Variants in HDGFL1 observed in about 807,000 individuals in gnomAD.
HDGFL1 encodes hepatoma-derived growth factor-like protein 1.
For synonymous variants in HDGFL1, 190 were observed against 165.1 expected (o/e 1.15, Z -1.16); for missense variants, 422 against 365.3 (o/e 1.16, Z -1.27).
At position 22,569,985 on chromosome 6, in the gene HDGFL1, C is replaced by T; in HGVS notation, c.410C>T (p.Pro137Leu). The T allele has an allele frequency of 2.6e-6, 4 of 1,549,102 alleles. No individual in the cohort carries two copies. Among genetic ancestry groups the T allele is most frequent in the Non-Finnish European group, 3.5e-6 (4 of 1,147,016 alleles). Residue 137 changes from proline (P) to leucine (L), a missense_variant, in exon 1 of 1, where the codon CCC becomes CTC. Physicochemically the swap from Pro to Leu is moderately conservative, Grantham distance 98. Coordinates refer to ENST00000510882, the MANE Select transcript of HDGFL1 (RefSeq NM_138574.4). ...TTGGGGAAGCCGGACGACGACAAGC[C>T]CACTGAGGAGGAGAAGGGGCCGCTG... ...DELGKPDDDK[P>L]TEEEKGPLKR... is the part of the protein sequence containing the mutation.
In HDGFL1 at chr6:22,570,051, G is replaced by T; in HGVS notation, c.476G>T (p.Arg159Leu). 1 of 1,545,294 alleles carries T rather than the reference G, an allele frequency of 6.5e-7. No homozygotes were observed. The highest frequency in any genetic ancestry group is 2.3e-4 in the Middle Eastern group (1 of 4,358). The change falls in exon 1 of 1, where the codon CGA (arginine) becomes CTA (leucine). Residue 159 changes from arginine to leucine, a missense_variant. By Grantham distance (102) the Arg-to-Leu change is moderately radical (BLOSUM62 -2). Transcript: ENST00000510882. Reference sequence around the variant, plus strand: ...GACCCGCCGGAGGACGCCCCCAAACGACCCAAGGAGGCAGCCCCCGACCAA... The same window carrying T: ...GACCCGCCGGAGGACGCCCCCAAACTACCCAAGGAGGCAGCCCCCGACCAA... ...AGDPPEDAPK[R>L]PKEAAPDQEE...
Position 22,570,194 on chromosome 6 carries a change from C to G in HDGFL1, c.619C>G (p.Pro207Ala), listed in dbSNP as rs1182039070. 12 of 1,564,646 alleles carry G rather than the reference C, an allele frequency of 7.7e-6. No individual in the cohort carries two copies. Among genetic ancestry groups the G allele is most frequent in the Non-Finnish European group, 1.0e-5 (12 of 1,160,242 alleles). ...CGTGGCGGTGGAGAACGGCAGCGCC[C>G]CTAGCGAGCCGGGCCTGGTCTGCGA... Reference protein sequence around the residue: ...FLVAVENGSAPSEPGLVCEPP... With the variant: ...FLVAVENGSAASEPGLVCEPP... The change falls in exon 1 of 1, where the codon CCT (proline) becomes GCT (alanine). Residue 207 changes from proline (P) to alanine (A), a missense_variant. Pro to Ala is a conservative substitution (Grantham distance 27). Transcript: ENST00000510882.
rs978488842 is a variant in HDGFL1 at position 22,570,307 on chromosome 6, C to T, written c.732C>T (p.Gly244=). 5 of 1,485,710 alleles carry T rather than the reference C, an allele frequency of 3.4e-6. No homozygotes were observed. Among genetic ancestry groups the T allele is most frequent in the Admixed American group, 2.5e-5 (1 of 40,352 alleles). 92.0% of individuals were successfully genotyped at this position (1,485,710 alleles called of 1,614,324 possible). A position where few individuals can be genotyped will look rare whatever the true frequency, so the allele number is the denominator to read the frequency against. ...AGGAGTGGCATGCCGAGGCACCGGGCGGCGGAGATCGCGACAGCCTGTAGT... is the reference window on the plus strand; with the variant it reads ...AGGAGTGGCATGCCGAGGCACCGGGTGGCGGAGATCGCGACAGCCTGTAGT... ...ASQEWHAEAP[G]GGDRDSL The change falls in exon 1 of 1, where the codon GGC becomes GGT. Residue 244 remains glycine, a synonymous_variant. Transcript: ENST00000510882.
chr6:22,570,129 C>T lies in HDGFL1; in HGVS notation c.554C>T (p.Ala185Val). ...GCGGAAGCGGAGAGGGCGGCGGCGG[C>T]GGCGGCGGCGACGGCCGTCGACGAG... Reference protein sequence around the residue: ...RAAEAERAAAAAAATAVDEES... With the variant: ...RAAEAERAAAVAAATAVDEES... Residue 185 changes from alanine (A) to valine (V), a missense_variant, in exon 1 of 1, where the codon GCG (alanine) becomes GTG (valine). Physicochemically the swap from Ala to Val is moderately conservative, Grantham distance 64. Coordinates refer to ENST00000510882, the MANE Select transcript of HDGFL1 (RefSeq NM_138574.4). 3 of 1,526,416 alleles carry T rather than the reference C, an allele frequency of 2.0e-6. No individual in the cohort carries two copies. The South Asian group carries it at 3.7e-5, about 19-fold the overall frequency. The allele number at this position is 1,526,416 out of a possible 1,614,324, so 94.6% of individuals were successfully genotyped here.
rs112921331 is a variant in HDGFL1, at chr6:22,570,091, G to T, written c.516G>T (p.Glu172Asp). ...EAAPDQEEEA[E>D]AERAAEAERA... ...CCCCCGACCAAGAGGAGGAGGCGGAGGCGGAGAGGGCGGCGGAAGCGGAGA... is the reference window on the plus strand; with the variant it reads ...CCCCCGACCAAGAGGAGGAGGCGGATGCGGAGAGGGCGGCGGAAGCGGAGA... The change falls in exon 1 of 1, where the codon GAG (glutamate) becomes GAT (aspartate). Residue 172 changes from glutamate (E) to aspartate (D), a missense_variant. Transcript: ENST00000510882. The T allele has an allele frequency of 6.5e-7, 1 of 1,536,690 alleles. No homozygotes were observed. The highest frequency in any genetic ancestry group is 1.2e-5 in the South Asian group (1 of 82,690).
In HDGFL1 at chr6:22,570,410, C is replaced by G; in HGVS notation, c.*79C>G. 1 of 1,341,020 alleles carries G rather than the reference C, an allele frequency of 7.5e-7. No homozygotes were observed. The highest frequency in any genetic ancestry group is 1.7e-5 in the South Asian group (1 of 59,484). 83.1% of individuals were successfully genotyped at this position (1,341,020 alleles called of 1,614,324 possible). A position where few individuals can be genotyped will look rare whatever the true frequency, so the allele number is the denominator to read the frequency against. On this transcript the variant is annotated 3_prime_UTR_variant, in exon 1 of 1. Coordinates refer to ENST00000510882, the MANE Select transcript of HDGFL1 (RefSeq NM_138574.4). ...TCTTGGGGAATCTGACCACGGCGTG[C>G]AAACTGGGACTGCCTTTCCCTCTCC...
In HDGFL1 at chr6:22,569,998, G is replaced by C; in HGVS notation, c.423G>C (p.Glu141Asp). The C allele has an allele frequency of 1.3e-6, 2 of 1,548,750 alleles. No homozygotes were observed. Among genetic ancestry groups the C allele is most frequent in the Non-Finnish European group, 8.7e-7 (1 of 1,146,942 alleles). Residue 141 changes from glutamate (E) to aspartate (D), a missense_variant, in exon 1 of 1, where the codon GAG becomes GAC. Glu to Asp is a conservative substitution (Grantham distance 45). Transcript: ENST00000510882. ...KPDDDKPTEE[E>D]KGPLKRSAGD... Reference sequence around the variant, plus strand: ...ACGACGACAAGCCCACTGAGGAGGAGAAGGGGCCGCTGAAGAGGAGCGCGG... The same window carrying C: ...ACGACGACAAGCCCACTGAGGAGGACAAGGGGCCGCTGAAGAGGAGCGCGG...
In HDGFL1 at chr6:22,571,617, A is replaced by G. The variant is rs185443030; in HGVS notation, c.*1286A>G. On this transcript the variant is annotated 3_prime_UTR_variant, in exon 1 of 1. Transcript: ENST00000510882. ...TTTCGGAAGTTTGATCTGAGAACCAACCATAGAATGTTTCAGTTCTAGGAA... is the reference window on the plus strand; with the variant it reads ...TTTCGGAAGTTTGATCTGAGAACCAGCCATAGAATGTTTCAGTTCTAGGAA... 8 of 167,200 alleles carry G rather than the reference A, an allele frequency of 4.8e-5. No individual in the cohort carries two copies. The highest frequency in any genetic ancestry group is 1.9e-4 in the African/African-American group (8 of 41,572). 10.4% of individuals were successfully genotyped at this position (167,200 alleles called of 1,614,324 possible).
At position 22,570,103 on chromosome 6, in the gene HDGFL1, G is replaced by A; in HGVS notation, c.528G>A (p.Ala176=). The stretch of plus-strand genomic sequence containing the variant: ...AGGAGGAGGCGGAGGCGGAGAGGGC[G>A]GCGGAAGCGGAGAGGGCGGCGGCGG... ...DQEEEAEAER[A]AEAERAAAAA... Residue 176 remains alanine, a synonymous_variant, in exon 1 of 1, where the codon GCG becomes GCA. Coordinates refer to ENST00000510882, the MANE Select transcript of HDGFL1 (RefSeq NM_138574.4). 2 of 1,536,322 alleles carry A rather than the reference G, an allele frequency of 1.3e-6. No homozygotes were observed. The highest frequency in any genetic ancestry group is 8.8e-7 in the Non-Finnish European group (1 of 1,141,326).
In HDGFL1 at chr6:22,570,191, G is replaced by T. The variant is rs1041727437; in HGVS notation, c.616G>T (p.Ala206Ser). Residue 206 changes from alanine to serine, a missense_variant, in exon 1 of 1, where the codon GCC becomes TCC. Physicochemically the swap from Ala to Ser is moderately conservative, Grantham distance 99. Coordinates refer to ENST00000510882, the MANE Select transcript of HDGFL1 (RefSeq NM_138574.4). ...PFLVAVENGS[A>S]PSEPGLVCEP... ...CCTCGTGGCGGTGGAGAACGGCAGC[G>T]CCCCTAGCGAGCCGGGCCTGGTCTG... 1.9e-6 allele frequency: 3 copies of T among 1,562,934 alleles called. No homozygotes were observed. Among genetic ancestry groups the T allele is most frequent in the Middle Eastern group, 1.8e-4 (1 of 5,552 alleles).
In HDGFL1 at chr6:22,570,370, C is replaced by G; in HGVS notation, c.*39C>G. 1 of 1,420,992 alleles carries G rather than the reference C, an allele frequency of 7.0e-7. No homozygotes were observed. The highest frequency in any genetic ancestry group is 9.2e-7 in the Non-Finnish European group (1 of 1,086,698). 88.0% of individuals were successfully genotyped at this position (1,420,992 alleles called of 1,614,324 possible). On this transcript the variant is annotated 3_prime_UTR_variant, in exon 1 of 1. Transcript: ENST00000510882. The stretch of plus-strand genomic sequence containing the variant: ...CAGAAGAGCCCCTGCCCCGTTCCTG[C>G]TGCGGCCTGGCCGTTCTTGGGGAAT...
chr6:22,569,836 G>C lies in HDGFL1; in HGVS notation c.261G>C (p.Thr87=). The C allele has an allele frequency of 6.2e-7, 1 of 1,609,464 alleles. No homozygotes were observed. The highest frequency in any genetic ancestry group is 8.5e-7 in the Non-Finnish European group (1 of 1,177,980). Residue 87 remains threonine (T), a synonymous_variant, in exon 1 of 1, where the codon ACG becomes ACC. Transcript: ENST00000510882. ...TGTGGGAAATCGAGAACAACCCCAC[G>C]GTCCAGGCCTCCGACTGCCCATTAG... ...AGLWEIENNP[T]VQASDCPLAS... is the part of the protein sequence containing the mutation.
In HDGFL1 at chr6:22,569,604, A is replaced by G; in HGVS notation, c.29A>G (p.Lys10Arg). Residue 10 changes from lysine to arginine, a missense_variant, in exon 1 of 1, where the codon AAG becomes AGG. Coordinates refer to ENST00000510882, the MANE Select transcript of HDGFL1 (RefSeq NM_138574.4). Reference sequence around the variant, plus strand: ...TCGGCCTACGGCATGCCCATGTACAAGAGCGGGGACCTGGTGTTTGCCAAG... The same window carrying G: ...TCGGCCTACGGCATGCCCATGTACAGGAGCGGGGACCTGGTGTTTGCCAAG... The part of the protein sequence containing the change: MSAYGMPMY[K>R]SGDLVFAKLK... 10 of 1,614,130 alleles carry G rather than the reference A, an allele frequency of 6.2e-6. No individual in the cohort carries two copies. Among genetic ancestry groups the G allele is most frequent in the Non-Finnish European group, 7.6e-6 (9 of 1,180,014 alleles).
chr6:22,569,571 C>T lies in HDGFL1; in HGVS notation c.-5C>T, dbSNP rs1336879164. On this transcript the variant is annotated 5_prime_UTR_variant, in exon 1 of 1. Coordinates refer to ENST00000510882, the MANE Select transcript of HDGFL1 (RefSeq NM_138574.4). ...GTGGCCCAGGCGGGGTCCGCAGAAC[C>T]AGCTATGTCGGCCTACGGCATGCCC... 1.2e-6 allele frequency: 2 copies of T among 1,610,296 alleles called. No homozygotes were observed. Among genetic ancestry groups the T allele is most frequent in the Non-Finnish European group, 1.7e-6 (2 of 1,177,574 alleles).
At position 22,571,520 on chromosome 6, in the gene HDGFL1, C is replaced by T. The variant is rs1484967896; in HGVS notation, c.*1189C>T. 6.0e-6 allele frequency: 1 copy of T among 167,130 alleles called. No homozygotes were observed. Among genetic ancestry groups the T allele is most frequent in the Non-Finnish European group, 1.5e-5 (1 of 68,136 alleles). The allele number at this position is 167,130 out of a possible 1,614,324, so 10.4% of individuals were successfully genotyped here. ...ACCCTCTTCCTAATGGTCATTATGC[C>T]TTTCTCCATCTATTGTCTCTTTCAC... On this transcript the variant is annotated 3_prime_UTR_variant, in exon 1 of 1. Coordinates refer to ENST00000510882, the MANE Select transcript of HDGFL1 (RefSeq NM_138574.4).
At position 22,570,180 on chromosome 6, in the gene HDGFL1, A is replaced by G; in HGVS notation, c.605A>G (p.Glu202Gly). Residue 202 changes from glutamate (E) to glycine (G), a missense_variant, in exon 1 of 1, where the codon GAG becomes GGG. Transcript: ENST00000510882. ...DEESPFLVAV[E>G]NGSAPSEPGL... is the part of the protein sequence containing the mutation. ...GAGAGTCCGTTCCTCGTGGCGGTGG[A>G]GAACGGCAGCGCCCCTAGCGAGCCG... The G allele has an allele frequency of 1.9e-6, 3 of 1,561,422 alleles. No individual in the cohort carries two copies. The highest frequency in any genetic ancestry group is 2.6e-6 in the Non-Finnish European group (3 of 1,157,478).
In HDGFL1 at chr6:22,570,451, C is replaced by T. The variant is rs1431328228; in HGVS notation, c.*120C>T. The T allele has an allele frequency of 9.1e-5, 99 of 1,093,368 alleles. No individual in the cohort carries two copies. In the South Asian group the frequency reaches 1.3e-3, roughly 15 times the overall value. The allele number at this position is 1,093,368 out of a possible 1,614,324, so 67.7% of individuals were successfully genotyped here. On this transcript the variant is annotated 3_prime_UTR_variant, in exon 1 of 1. Transcript: ENST00000510882. ...TTCCCTCTCCTCAGCCCGTCCTCCTCCAACCCGCGCTCCTTTGCCCTGCCG... is the reference window on the plus strand; with the variant it reads ...TTCCCTCTCCTCAGCCCGTCCTCCTTCAACCCGCGCTCCTTTGCCCTGCCG...
chr6:22,570,134 G>GCGGCGA lies in HDGFL1; in HGVS notation c.564_569dup (p.Thr189_Ala190dup), dbSNP rs767413076. Reference sequence around the variant, plus strand: ...AGCGGAGAGGGCGGCGGCGGCGGCGGCGGCGACGGCCGTCGACGAGGAGAG... The same window carrying GCGGCGA: ...AGCGGAGAGGGCGGCGGCGGCGGCGGCGGCGACGGCGACGGCCGTCGACGAGGAGAG... On this transcript the variant is annotated inframe_insertion, in exon 1 of 1. Transcript: ENST00000510882. The GCGGCGA allele has an allele frequency of 1.9e-5, 29 of 1,535,018 alleles. No homozygotes were observed. The highest frequency in any genetic ancestry group is 2.4e-5 in the Non-Finnish European group (27 of 1,144,572).
rs1257463869 is a variant in HDGFL1 at position 22,569,938 on chromosome 6, C to G, written c.363C>G (p.His121Gln). ...AAEGDEDKPT[H>Q]AGGGGDELGK... ...AGGGCGACGAGGACAAGCCGACCCA[C>G]GCTGGTGGCGGCGGCGACGAATTGG... The change falls in exon 1 of 1, where the codon CAC becomes CAG. Residue 121 changes from histidine (H) to glutamine (Q), a missense_variant. By Grantham distance (24) the His-to-Gln change is conservative. Transcript: ENST00000510882. 6.4e-7 allele frequency: 1 copy of G among 1,553,138 alleles called. No homozygotes were observed. Among genetic ancestry groups the G allele is most frequent in the Middle Eastern group, 1.7e-4 (1 of 5,746 alleles).
Sources: allele counts gnomAD v4.1 joint callset, GRCh38; gene constraint gnomAD v4.1.1; transcripts MANE v1.5; gene names NCBI Gene and HGNC (gene_info 2026-07-23, HGNC 2026-07-21).